TRIO: variants seen among roughly 807,000 people sequenced by gnomAD.
TRIO encodes the protein trio Rho guanine nucleotide exchange factor.
TRIO carries 58 observed loss-of-function variants against 351.9 expected under a neutral mutation model. The ratio of observed to expected loss-of-function variants is 0.16; its 90% CI spans 0.13 to 0.21. The LOEUF (loss-of-function observed/expected upper bound fraction) is 0.21. TRIO is among the 10% of genes least tolerant of loss of function. The pLI is 1.00. For synonymous variants in TRIO, 1,758 were observed against 1,595.7 expected (o/e 1.10, Z -2.42); for missense variants, 3,201 against 4,027.8 (o/e 0.79, Z 5.56).
Position 14,293,145 on chromosome 5 carries a change from C to T in TRIO, c.1176+11C>T, listed in dbSNP as rs373817005. 371 of 1,613,892 alleles carry T rather than the reference C, an allele frequency of 2.3e-4. No individual in the cohort carries two copies. The highest frequency in any genetic ancestry group is 2.9e-4 in the Non-Finnish European group (338 of 1,179,896). On this transcript the variant is annotated intron_variant, in intron 6 of 56. Coordinates refer to ENST00000344204, the MANE Select transcript of TRIO (RefSeq NM_007118.4). ...GCCATGAACTGTATGGTAAGACACT[C>T]GGAACAGCTGGACCCTGGCATGTGA...
chr5:14,270,730 G>A (rs961937110), intron 1 of TRIO, 95 bp from the exon 2 acceptor site: 2 of 896,228 alleles, frequency 2.2e-6, no homozygotes, highest in African/African-American at 3.3e-5. Flanking sequence ...AATGGATGTG[G>A]ATAAAGCTGC....
rs764481461 is a variant in TRIO, at chr5:14,381,229, G to A, written c.3547G>A (p.Glu1183Lys). ...QHTQELLKEH[E>K]EFQITAKQTK... ...CACCCAGGAGCTCCTGAAAGAGCAC[G>A]AGGAGTTCCAGATAACTGCAAAGGT... The change falls in exon 21 of 57, where the codon GAG (glutamate) becomes AAG (lysine). Residue 1183 changes from glutamate (E) to lysine (K), a missense_variant. By Grantham distance (56) the Glu-to-Lys change is moderately conservative. Transcript: ENST00000344204. 1.2e-6 allele frequency: 2 copies of A among 1,613,108 alleles called. No homozygotes were observed. Among genetic ancestry groups the A allele is most frequent in the Non-Finnish European group, 1.7e-6 (2 of 1,179,696 alleles).
At chr5:14,471,985 A>T (rs1754725680) in intron 38 of TRIO, among the ~76,000 whole-genome samples, 2 of 152,032 alleles carry the variant, frequency 1.3e-5, no homozygotes, top group East Asian at 3.9e-4. Flanking sequence ...GTATCCCAGC[A>T]CCTCCGATGG....
At chr5:14,222,147 T>C (rs1252910555) in intron 1 of TRIO, among the ~76,000 whole-genome samples, 2 of 151,492 alleles carry the variant, frequency 1.3e-5, no homozygotes, top group South Asian at 2.1e-4. Context: ...CTTTTCTTTT[T>C]TTTTTTTTTA....
chr5:14,163,176 C>A (rs902945471), intron 1 of TRIO, among the ~76,000 whole-genome samples: 34 of 152,126 alleles, frequency 2.2e-4, no homozygotes, highest in African/African-American at 7.5e-4. Context: ...GCCCCCCATC[C>A]CTGGACAGGC....
chr5:14,269,976 C>G (rs1040606886), intron 1 of TRIO, among the ~76,000 whole-genome samples: 5 of 152,090 alleles, frequency 3.3e-5, no homozygotes, highest in African/African-American at 1.2e-4. Flanking sequence ...TAGAGATCGC[C>G]GAGAGAAATA....
At chr5:14,202,821 C>T (rs1183285198) in intron 1 of TRIO, among the ~76,000 whole-genome samples, 1 of 151,108 alleles carries the variant, frequency 6.6e-6, no homozygotes, top group African/African-American at 2.4e-5. Context: ...TGAGGCCTCT[C>T]CAGCTACGTG....
intron 27 of TRIO, among the ~76,000 whole-genome samples, chr5:14,391,247 T>G (rs1422185808): frequency 6.6e-6 from 1 of 152,252 alleles, no homozygotes; most frequent in Non-Finnish European, 1.5e-5. Context: ...TTTGTGTGTG[T>G]GTATATGTTA....
In TRIO at chr5:14,419,952, C is replaced by T. The variant is rs1385014214; in HGVS notation, c.5134C>T (p.Pro1712Ser). The change falls in exon 34 of 57, where the codon CCC (proline) becomes TCC (serine). Residue 1712 changes from proline to serine, a missense_variant. Transcript: ENST00000344204. ...CTCCCCAGCGGCAGAAGGCCTGGTC[C>T]CCTGTGGTTCACTGTGCATCGCCCA... is the stretch of plus-strand genomic sequence containing the variant. ...DRSPAAEGLV[P>S]CGSLCIAHSR... 1.9e-6 allele frequency: 3 copies of T among 1,614,216 alleles called. No homozygotes were observed. The highest frequency in any genetic ancestry group is 1.7e-5 in the Admixed American group (1 of 60,034).
chr5:14,343,335 T>C (rs1437706818), intron 11 of TRIO, among the ~76,000 whole-genome samples: 2 of 152,232 alleles, frequency 1.3e-5, no homozygotes, highest in African/African-American at 4.8e-5. Flanking sequence ...ACCATCACTT[T>C]CAAGATACAG....
At chr5:14,425,890 G>T (rs973983796) in intron 34 of TRIO, among the ~76,000 whole-genome samples, 2 of 152,314 alleles carry the variant, frequency 1.3e-5, no homozygotes, top group African/African-American at 4.8e-5. Context: ...ATAAATTTCT[G>T]TGCTTTATAA....
At chr5:14,507,742 C>T (rs1256928720) in intron 56 of TRIO, 138 bp from the exon 57 acceptor site, 15 of 1,109,638 alleles carry the variant, frequency 1.4e-5, no homozygotes, top group Non-Finnish European at 1.8e-5. Flanking sequence ...CTGAGTGGTC[C>T]GGCCTGCTTT....
chr5:14,404,683 G>A (rs1383792745), intron 31 of TRIO, among the ~76,000 whole-genome samples: 1 of 151,782 alleles, frequency 6.6e-6, no homozygotes, highest in Non-Finnish European at 1.5e-5. Flanking sequence ...CTGCCCCCTC[G>A]CCAGAAGACA....
chr5:14,484,579 G>A (rs1415476712), intron 46 of TRIO, among the ~76,000 whole-genome samples: 1 of 152,202 alleles, frequency 6.6e-6, no homozygotes, highest in African/African-American at 2.4e-5. Flanking sequence ...CTTGGCCAGT[G>A]GGGATCAATG....
At chr5:14,279,234 A>G (rs919015405) in intron 2 of TRIO, among the ~76,000 whole-genome samples, 1 of 152,236 alleles carries the variant, frequency 6.6e-6, no homozygotes, top group African/African-American at 2.4e-5. Context: ...TTTCATTATT[A>G]TTTAGAATGA....
At chr5:14,231,639 C>T (rs1049462330) in intron 1 of TRIO, among the ~76,000 whole-genome samples, 1 of 152,018 alleles carries the variant, frequency 6.6e-6, no homozygotes, top group Non-Finnish European at 1.5e-5. Flanking sequence ...CTCATTCTCA[C>T]CTTTATGAGT....
intron 1 of TRIO, among the ~76,000 whole-genome samples, chr5:14,208,835 A>C (rs115454752): frequency 2.0e-5 from 3 of 152,192 alleles, no homozygotes; most frequent in African/African-American, 7.2e-5. Flanking sequence ...AGTGTTACCT[A>C]CCTGAAGTGG....
At chr5:14,202,242 T>C (rs921358917) in intron 1 of TRIO, among the ~76,000 whole-genome samples, 11 of 148,172 alleles carry the variant, frequency 7.4e-5, no homozygotes, top group Admixed American at 2.0e-4. Flanking sequence ...GTCCAACCCA[T>C]GGACCAACAC....
At chr5:14,409,622 C>G (rs1749016445) in intron 33 of TRIO, among the ~76,000 whole-genome samples, 2 of 152,030 alleles carry the variant, frequency 1.3e-5, no homozygotes, top group Admixed American at 1.3e-4. Flanking sequence ...ATCACGAGGT[C>G]AGGAGATCGA....
Sources: gnomAD v4.1 joint callset for allele counts (sites outside exome capture counted in the v4.1 genomes callset) on GRCh38, gnomAD v4.1.1 for gene constraint, MANE v1.5 for transcripts, NCBI Gene and HGNC (gene_info 2026-07-23, HGNC 2026-07-21) for gene names.